The following TMEM135 variants were observed in gnomAD, a reference collection of about 807,000 sequenced individuals.
TMEM135 encodes transmembrane protein 135.
Under a neutral mutation model 60.3 loss-of-function variants are expected in TMEM135, and 30 were observed. The observed-to-expected ratio is 0.50, with a 90% confidence interval of 0.37 to 0.68. The LOEUF is 0.68. Among genes scored for constraint, TMEM135 ranks in the 30% least tolerant of loss-of-function variants. The pLI is 0.00. For synonymous variants in TMEM135, 190 were observed against 186.7 expected, an observed-to-expected ratio of 1.02 and a Z score of -0.14; for missense variants, 468 against 548.8, an observed-to-expected ratio of 0.85 and a Z score of 1.47.
intron 5 of TMEM135, among the ~76,000 whole-genome samples, chr11:87,188,671 T>C (rs1347815256): frequency 6.8e-6 from 1 of 147,302 alleles, no homozygotes; most frequent in East Asian, 2.0e-4. Context: ...GCCATTGCAC[T>C]CCAGCCTGGG....
chr11:87,233,850 G>C (rs1940939407), intron 5 of TMEM135, among the ~76,000 whole-genome samples: 1 of 151,946 alleles, frequency 6.6e-6, no homozygotes, highest in South Asian at 2.1e-4. Flanking sequence ...AAAATATGAT[G>C]GTTTGTTTCA....
chr11:87,080,958 T>G (rs1395073784), intron 3 of TMEM135, among the ~76,000 whole-genome samples: 2 of 152,230 alleles, frequency 1.3e-5, no homozygotes, highest in Non-Finnish European at 2.9e-5. Flanking sequence ...AGTGCTGGGA[T>G]TACAGGCATG....
chr11:87,146,471 G>A (rs1938420608), intron 4 of TMEM135, among the ~76,000 whole-genome samples: 1 of 152,092 alleles, frequency 6.6e-6, no homozygotes, highest in African/African-American at 2.4e-5. Flanking sequence ...AATAAAACTG[G>A]CCTTAAGCGA....
chr11:87,218,588 C>T (rs1258092971), intron 5 of TMEM135, among the ~76,000 whole-genome samples: 1 of 152,136 alleles, frequency 6.6e-6, no homozygotes, highest in Non-Finnish European at 1.5e-5. Context: ...ATGCCTAAAT[C>T]CCCTTTTCTG....
chr11:87,292,362 C>T (rs780605380), intron 6 of TMEM135, among the ~76,000 whole-genome samples: 18 of 152,264 alleles, frequency 1.2e-4, no homozygotes, highest in Middle Eastern at 3.4e-3. Context: ...TTATTGTTCA[C>T]AGTTATGTCC....
At chr11:87,238,752 T>C (rs897746571) in intron 6 of TMEM135, among the ~76,000 whole-genome samples, 3 of 152,074 alleles carry the variant, frequency 2.0e-5, no homozygotes, top group Non-Finnish European at 4.4e-5. Context: ...ATGTTCTATC[T>C]AGCCTGAAGA....
intron 4 of TMEM135, chr11:87,094,747 C>A (rs6592334): frequency 0.12 from 24,969 of 204,504 alleles, 1,786 homozygotes; most frequent in African/African-American, 0.2. Context: ...ACCAGAACCT[C>A]AGGTGACTTA....
At chr11:87,046,380 A>G (rs1471680598) in intron 1 of TMEM135, among the ~76,000 whole-genome samples, 3 of 152,244 alleles carry the variant, frequency 2.0e-5, no homozygotes, top group Non-Finnish European at 4.4e-5. Context: ...CTGTGTCTCA[A>G]AAAACAAACA....
intron 6 of TMEM135, among the ~76,000 whole-genome samples, chr11:87,283,819 T>C (rs778276625): frequency 3.3e-5 from 5 of 152,066 alleles, no homozygotes; most frequent in Non-Finnish European, 7.4e-5. Context: ...GATCGCGTCA[T>C]TGCACTCCAG....
At position 87,309,667 on chromosome 11, in the gene TMEM135, T is replaced by C; in HGVS notation, c.931T>C (p.Tyr311His). 1.2e-6 allele frequency: 2 copies of C among 1,613,330 alleles called. No individual in the cohort carries two copies. The highest frequency in any genetic ancestry group is 1.7e-6 in the Non-Finnish European group (2 of 1,179,578). Reference protein sequence around the residue: ...GAFLGSFVSIYKGTSCFLRWI... With the variant: ...GAFLGSFVSIHKGTSCFLRWI... ...TTTTCTTGGCTCTTTTGTTAGTATA[T>C]ACAAGGTAAGGCTTTTAGAAGAGGA... The change falls in exon 10 of 15, where the codon TAC becomes CAC. Residue 311 changes from tyrosine (Y) to histidine (H), a missense_variant. Physicochemically the swap from Tyr to His is moderately conservative, Grantham distance 83. Transcript: ENST00000305494.
intron 6 of TMEM135, among the ~76,000 whole-genome samples, chr11:87,241,858 AT>A (rs1392473292): frequency 1.3e-5 from 2 of 149,292 alleles, no homozygotes; most frequent in Admixed American, 6.7e-5. Flanking sequence ...TTAAAAAAAA[AT>A]TTATTATTAT....
intron 12 of TMEM135, among the ~76,000 whole-genome samples, chr11:87,317,628 C>T (rs1261314148): frequency 6.6e-6 from 1 of 152,050 alleles, no homozygotes; most frequent in Non-Finnish European, 1.5e-5. Context: ...GTCAGATTTA[C>T]TTAGCAAATA....
intron 4 of TMEM135, among the ~76,000 whole-genome samples, chr11:87,131,572 C>G (rs78509102): frequency 0.097 from 14,730 of 152,094 alleles, 730 homozygotes; most frequent in African/African-American, 0.1. Context: ...ATAATTTAAT[C>G]TTCATGAGAG....
intron 3 of TMEM135, among the ~76,000 whole-genome samples, chr11:87,090,397 A>G (rs1857181685): frequency 6.6e-6 from 1 of 152,174 alleles, no homozygotes; most frequent in Admixed American, 6.5e-5. Flanking sequence ...TTACTAAACC[A>G]TTTAAAATAA....
At chr11:87,112,196 T>A (rs1408284841) in intron 4 of TMEM135, among the ~76,000 whole-genome samples, 1 of 152,236 alleles carries the variant, frequency 6.6e-6, no homozygotes, top group Admixed American at 6.5e-5. Context: ...AGCATGGATA[T>A]TGACTCAGTA....
intron 12 of TMEM135, among the ~76,000 whole-genome samples, chr11:87,316,716 C>T (rs1942737884): frequency 6.6e-6 from 1 of 151,852 alleles, no homozygotes; most frequent in Non-Finnish European, 1.5e-5. Context: ...TATTCTTTAA[C>T]ACAAGAGGAA....
In TMEM135 at chr11:87,325,877, C is replaced by T. The variant is rs116844093; in HGVS notation, c.*4544C>T. 896 of 453,916 alleles carry T rather than the reference C, an allele frequency of 2.0e-3. 5 individuals are homozygous for T. The highest frequency in any genetic ancestry group is 3.2e-3 in the Non-Finnish European group (719 of 226,740). The allele number at this position is 453,916 out of a possible 1,614,324, so 28.1% of individuals were successfully genotyped here. A position where few individuals can be genotyped will look rare whatever the true frequency, so the allele number is the denominator to read the frequency against. On this transcript the variant is annotated 3_prime_UTR_variant, in exon 15 of 15. Transcript: ENST00000305494. ...CTCTGGAATTTCCTATTTTCTTTTA[C>T]TTTCTCCATTTTTTTTCCATCTGTC...
intron 5 of TMEM135, among the ~76,000 whole-genome samples, chr11:87,186,753 TG>T (rs1244705517): frequency 2.6e-5 from 4 of 152,216 alleles, no homozygotes; most frequent in African/African-American, 4.8e-5. Flanking sequence ...ATTATGATTT[TG>T]TTTGTGAAAC....
At position 87,322,262 on chromosome 11, in the gene TMEM135, T is replaced by G. The variant is rs779228312; in HGVS notation, c.*929T>G. On this transcript the variant is annotated 3_prime_UTR_variant, in exon 15 of 15. Coordinates refer to ENST00000305494, the MANE Select transcript of TMEM135 (RefSeq NM_022918.4). ...ATGGAACAAAGTAGTCTTGGCAAGT[T>G]GGCAGTTTGTGTCCTCTCAGCTGTT... 1 of 454,300 alleles carries G rather than the reference T, an allele frequency of 2.2e-6. No individual in the cohort carries two copies. The highest frequency in any genetic ancestry group is 1.6e-5 in the South Asian group (1 of 64,480). 28.1% of individuals were successfully genotyped at this position (454,300 alleles called of 1,614,324 possible). A position where few individuals can be genotyped will look rare whatever the true frequency, so the allele number is the denominator to read the frequency against.
Sources: allele counts gnomAD v4.1 joint callset (sites outside exome capture counted in the v4.1 genomes callset), GRCh38; gene constraint gnomAD v4.1.1; transcripts MANE v1.5; gene names NCBI Gene and HGNC (gene_info 2026-07-23, HGNC 2026-07-21).